The following MAGI1 variants were observed in gnomAD, a reference collection of about 807,000 sequenced individuals.
MAGI1 encodes the protein membrane-associated guanylate kinase, WW and PDZ domain-containing protein 1.
A neutral mutation model predicts 139.9 loss-of-function variants in MAGI1; 58 were observed. The ratio of observed to expected loss-of-function variants is 0.41; its 90% confidence interval spans 0.34 to 0.52. MAGI1 has a LOEUF of 0.52. Ranked by LOEUF, MAGI1 falls within the 20% of genes least tolerant of loss-of-function variation. MAGI1 has a pLI of 0.12. For synonymous variants in MAGI1, 812 were observed against 737.9 expected, an observed-to-expected ratio of 1.10 and a Z score of -1.63; for missense variants, 1,874 against 1,901.6, an observed-to-expected ratio of 0.99 and a Z score of 0.27.
intron 1 of MAGI1, among the ~76,000 whole-genome samples, chr3:65,785,005 G>C (rs761241044): frequency 1.5e-5 from 2 of 135,790 alleles, no homozygotes; most frequent in African/African-American, 2.6e-5. Context: ...ATTCCTTTTG[G>C]AGAGGGCAGA....
At chr3:65,563,492 G>A (rs2080466936) in intron 2 of MAGI1, among the ~76,000 whole-genome samples, 1 of 152,130 alleles carries the variant, frequency 6.6e-6, no homozygotes, top group African/African-American at 2.4e-5. Context: ...CTTCCAACTT[G>A]CTCTGTCTTT....
intron 1 of MAGI1, among the ~76,000 whole-genome samples, chr3:65,920,059 G>C (rs925019596): frequency 6.6e-6 from 1 of 152,160 alleles, no homozygotes; most frequent in African/African-American, 2.4e-5. Context: ...GGAAAGCTCT[G>C]AATCAGTGAA....
intron 1 of MAGI1, among the ~76,000 whole-genome samples, chr3:65,909,613 T>C (rs915032357): frequency 2.6e-5 from 4 of 152,250 alleles, no homozygotes; most frequent in Middle Eastern, 6.8e-3. Context: ...GGAGGATCAC[T>C]TGAGCTCAAA....
rs151261537 is a variant in MAGI1, at chr3:65,498,353, T to C, written c.431-4722A>G. 3.7e-3 allele frequency among the ~76,000 whole-genome samples: 564 copies of C among 152,164 alleles called. 3 individuals are homozygous for C. Among genetic ancestry groups the C allele is most frequent in the African/African-American group, 0.013 (544 of 41,526 alleles). On this transcript the variant is annotated intron_variant, in intron 2 of 22. Coordinates refer to ENST00000402939, the MANE Select transcript of MAGI1 (RefSeq NM_001033057.2). ...TTAGCCTACAATACTGCCTTCTCTT[T>C]TTCTAGCTAGAAATTGGGCCAACGA...
In MAGI1 at chr3:65,737,758, G is replaced by C. The variant is rs544268138; in HGVS notation, c.314-115670C>G. 7.2e-5 allele frequency among the ~76,000 whole-genome samples: 11 copies of C among 152,256 alleles called. No individual in the cohort carries two copies. The South Asian group carries it at 2.1e-3, about 29-fold the overall frequency. The stretch of plus-strand genomic sequence containing the variant: ...TGAAAGATTTTAAATGAGGAAGTGA[G>C]ATCACTAAATTCTACTTTATCAACA... On this transcript the variant is annotated intron_variant, in intron 1 of 22. Coordinates refer to ENST00000402939, the MANE Select transcript of MAGI1 (RefSeq NM_001033057.2).
chr3:65,917,423 C>T (rs1236677251), intron 1 of MAGI1, among the ~76,000 whole-genome samples: 3 of 152,214 alleles, frequency 2.0e-5, no homozygotes, highest in Non-Finnish European at 4.4e-5. Flanking sequence ...AATCTTACCA[C>T]ACAATCTAGC....
chr3:65,601,876 C>T (rs2082501119), intron 2 of MAGI1, among the ~76,000 whole-genome samples: 1 of 151,946 alleles, frequency 6.6e-6, no homozygotes. Context: ...TCCTTGTATC[C>T]AGAATATGTG....
chr3:65,459,587 ATCTGTATGG>A (rs1949638673), intron 5 of MAGI1, among the ~76,000 whole-genome samples: 1 of 152,168 alleles, frequency 6.6e-6, no homozygotes, highest in South Asian at 2.1e-4. Context: ...TTCCTTTTCA[ATCTGTATGG>A]CTTTTACTTC....
At chr3:65,373,961 G>A (rs909906950) in intron 18 of MAGI1, among the ~76,000 whole-genome samples, 23 of 152,118 alleles carry the variant, frequency 1.5e-4, no homozygotes, top group Non-Finnish European at 1.9e-4. Context: ...GTAAGGCACC[G>A]GCTATACCTT....
At chr3:65,416,897 T>C (rs549605838) in intron 12 of MAGI1, among the ~76,000 whole-genome samples, 4 of 152,070 alleles carry the variant, frequency 2.6e-5, no homozygotes, top group Non-Finnish European at 5.9e-5. Context: ...CCAGGTAAGG[T>C]AGAAGTTTTA....
chr3:65,972,469 A>C (rs1293381427), intron 1 of MAGI1, among the ~76,000 whole-genome samples: 1 of 152,172 alleles, frequency 6.6e-6, no homozygotes, highest in Non-Finnish European at 1.5e-5. Context: ...TAAATTAATT[A>C]ATTAGGTATT....
chr3:65,524,845 G>T (rs1309256220), intron 2 of MAGI1, among the ~76,000 whole-genome samples: 1 of 152,134 alleles, frequency 6.6e-6, no homozygotes, highest in Non-Finnish European at 1.5e-5. Flanking sequence ...CATCCACAAG[G>T]TTTTGGCCAG....
chr3:65,551,459 C>T (rs1020644432), intron 2 of MAGI1, among the ~76,000 whole-genome samples: 11 of 152,166 alleles, frequency 7.2e-5, no homozygotes, highest in Non-Finnish European at 2.9e-5. Context: ...CACCACCGCG[C>T]GCGGCTAATT....
chr3:65,670,401 T>C (rs2086784899), intron 1 of MAGI1, among the ~76,000 whole-genome samples: 1 of 151,694 alleles, frequency 6.6e-6, no homozygotes, highest in African/African-American at 2.4e-5. Context: ...AACATTGAAG[T>C]TTTTTTTAAT....
rs147500251 is a variant in MAGI1 at position 65,806,941 on chromosome 3, G to A, written c.314-184853C>T. Among the ~76,000 whole-genome samples, 176 of 152,246 alleles carry A rather than the reference G, an allele frequency of 1.2e-3. 2 individuals carry two copies. Among genetic ancestry groups the A allele is most frequent in the African/African-American group, 4.0e-3 (166 of 41,554 alleles). ...TTATACTGATGACATAGTTGATGAT[G>A]ATAACGATGGAAACATCATCATAGC... On this transcript the variant is annotated intron_variant, in intron 1 of 22. Coordinates refer to ENST00000402939, the MANE Select transcript of MAGI1 (RefSeq NM_001033057.2).
At position 65,361,252 on chromosome 3, in the gene MAGI1, C is replaced by T; in HGVS notation, c.3581G>A (p.Gly1194Asp). 6.2e-7 allele frequency: 1 copy of T among 1,614,166 alleles called. No homozygotes were observed. The highest frequency in any genetic ancestry group is 8.5e-7 in the Non-Finnish European group (1 of 1,180,004). ...CTTCAGAAACAGACGAACTCTGCGGCCACCATTCTTAATCAGTTCTATAGC... is the reference window on the plus strand; with the variant it reads ...CTTCAGAAACAGACGAACTCTGCGGTCACCATTCTTAATCAGTTCTATAGC... ...SRAIELIKNGGRRVRLFLKRG... is the reference protein window; with the variant it reads ...SRAIELIKNGDRRVRLFLKRG... The change falls in exon 22 of 23, where the codon GGC becomes GAC. Residue 1194 changes from glycine (G) to aspartate (D), a missense_variant. By Grantham distance (94) the Gly-to-Asp change is moderately conservative. This residue lies in a region of MAGI1 where 653 missense variants were observed against 644.5 expected (regional missense o/e 1.01). Coordinates refer to ENST00000402939, the MANE Select transcript of MAGI1 (RefSeq NM_001033057.2).
intron 1 of MAGI1, among the ~76,000 whole-genome samples, chr3:65,959,413 C>G (rs1274889168): frequency 6.6e-6 from 1 of 152,058 alleles, no homozygotes; most frequent in East Asian, 1.9e-4. Flanking sequence ...GGGCAAGGCA[C>G]TATGTCTGTG....
intron 1 of MAGI1, among the ~76,000 whole-genome samples, chr3:65,732,897 T>C (rs2034328185): frequency 6.6e-6 from 1 of 152,038 alleles, no homozygotes; most frequent in Non-Finnish European, 1.5e-5. Context: ...ATGAGAAAAA[T>C]GAACTAGGTG....
intron 2 of MAGI1, among the ~76,000 whole-genome samples, chr3:65,618,300 C>T (rs1039621781): frequency 6.6e-6 from 1 of 151,994 alleles, no homozygotes; most frequent in Non-Finnish European, 1.5e-5. Context: ...GGCATGTTTA[C>T]AAGCATTGCA....
Sources: gnomAD v4.1 joint callset for allele counts (sites outside exome capture counted in the v4.1 genomes callset) on GRCh38, gnomAD v4.1.1 for gene constraint, gnomAD v4.1.1 regional missense constraint, MANE v1.5 for transcripts, NCBI Gene and HGNC (gene_info 2026-07-23, HGNC 2026-07-21) for gene names.